Variants in GABRB3 observed in about 807,000 individuals in gnomAD.
GABRB3 encodes the protein gamma-aminobutyric acid type A receptor subunit beta3, also known as gamma-aminobutyric acid receptor subunit beta-3.
Under a neutral mutation model 52.1 loss-of-function variants are expected in GABRB3, and 14 were observed. The ratio of observed to expected loss-of-function variants is 0.27; its 90% CI spans 0.18 to 0.42. The LOEUF (loss-of-function observed/expected upper bound fraction) is 0.42, where lower values mean the gene tolerates loss of function less well. GABRB3 is among the 10% of genes least tolerant of loss of function. The pLI is 1.00. For missense variants in GABRB3, 307 were observed against 609.1 expected, an observed-to-expected ratio of 0.50 and a Z score of 5.22; for synonymous variants, 260 against 232.3, an observed-to-expected ratio of 1.12 and a Z score of -1.08.
chr15:26,582,246 T>C (rs1421857744), intron 5 of GABRB3, among the ~76,000 whole-genome samples: 1 of 152,212 alleles, frequency 6.6e-6, no homozygotes, highest in Non-Finnish European at 1.5e-5. Context: ...TCATGCACTG[T>C]GTGACTTGAC....
At chr15:26,576,368 A>G (rs900348887) in intron 6 of GABRB3, among the ~76,000 whole-genome samples, 2 of 152,244 alleles carry the variant, frequency 1.3e-5, no homozygotes, top group Non-Finnish European at 2.9e-5. Context: ...TGAAATTTTA[A>G]AAAAGGTTTC....
In GABRB3 at chr15:26,548,130, T is replaced by A; in HGVS notation, c.1085A>T (p.Asp362Val). The change falls in exon 9 of 9, where the codon GAT (aspartate) becomes GTT (valine). Residue 362 changes from aspartate to valine, a missense_variant. This residue lies in a region of GABRB3 where 115 missense variants were observed against 166.9 expected (regional missense o/e 0.69). Coordinates refer to ENST00000311550, the MANE Select transcript of GABRB3 (RefSeq NM_000814.6). Reference sequence around the variant, plus strand: ...TGTCAACAGAATATTTCCATGAGCATCCACCTAATTGGACGGAAAATGCAC... The same window carrying A: ...TGTCAACAGAATATTTCCATGAGCAACCACCTAATTGGACGGAAAATGCAC... The part of the protein sequence containing the change: ...DRSKSESNRV[D>V]AHGNILLTSL... 6.2e-7 allele frequency: 1 copy of A among 1,613,766 alleles called. No homozygotes were observed. Among genetic ancestry groups the A allele is most frequent in the Non-Finnish European group, 8.5e-7 (1 of 1,179,690 alleles).
In GABRB3 at chr15:26,689,555, C is replaced by T. The variant is rs536150538; in HGVS notation, c.241-68021G>A. On this transcript the variant is annotated intron_variant, in intron 3 of 8. Coordinates refer to ENST00000311550, the MANE Select transcript of GABRB3 (RefSeq NM_000814.6). ...TCATGCCTCATTACACGTCATGCCT[C>T]TTCTTGGGACCCATGTTCAAAAACT... Among the ~76,000 whole-genome samples the T allele has an allele frequency of 3.3e-4, 50 of 152,272 alleles. 2 individuals are homozygous for T. The South Asian group carries it at 1.0e-2, about 30-fold the overall frequency.
At chr15:26,769,571 C>A (rs553428963) in intron 3 of GABRB3, among the ~76,000 whole-genome samples, 151 of 152,290 alleles carry the variant, frequency 9.9e-4, no homozygotes, top group African/African-American at 3.5e-3. Flanking sequence ...GGAATCTCCC[C>A]TTCTAAATCT....
At chr15:26,620,929 AT>A (rs1020673612) in intron 4 of GABRB3, among the ~76,000 whole-genome samples, 2 of 151,364 alleles carry the variant, frequency 1.3e-5, no homozygotes, top group Non-Finnish European at 2.9e-5. Flanking sequence ...CGCAACAGAC[AT>A]TTTTTTTTCA....
At position 26,621,041 on chromosome 15, in the gene GABRB3, T is replaced by C. The variant is rs1351708120; in HGVS notation, c.461+273A>G. Among the ~76,000 whole-genome samples the C allele has an allele frequency of 6.6e-6, 1 of 151,736 alleles. No individual in the cohort carries two copies. The highest frequency in any genetic ancestry group is 1.5e-5 in the Non-Finnish European group (1 of 67,906). Reference sequence around the variant, plus strand: ...TGGCTATGATATGGAAAATCCATCCTGAGGGAATCTGTGTTCTTAGACATG... The same window carrying C: ...TGGCTATGATATGGAAAATCCATCCCGAGGGAATCTGTGTTCTTAGACATG... On this transcript the variant is annotated intron_variant, in intron 4 of 8. Transcript: ENST00000311550. The surrounding 1 kb of genome is among the most constrained non-coding windows in gnomAD (Gnocchi z 4.1).
At chr15:26,571,281 T>C (rs1045525062) in intron 6 of GABRB3, among the ~76,000 whole-genome samples, 1 of 152,106 alleles carries the variant, frequency 6.6e-6, no homozygotes. Flanking sequence ...AGCCCCCAAA[T>C]CTCAGTAGTT....
intron 4 of GABRB3, among the ~76,000 whole-genome samples, chr15:26,584,103 T>A (rs1647305348): frequency 6.6e-6 from 1 of 152,166 alleles, no homozygotes; most frequent in South Asian, 2.1e-4. Flanking sequence ...TCTTTTTGTG[T>A]GTGACGAAAA....
At chr15:26,681,315 T>G (rs1442493986) in intron 3 of GABRB3, among the ~76,000 whole-genome samples, 2 of 152,204 alleles carry the variant, frequency 1.3e-5, no homozygotes, top group Non-Finnish European at 2.9e-5. Flanking sequence ...AAATGCCTAT[T>G]ACTTTCCCTC....
intron 4 of GABRB3, among the ~76,000 whole-genome samples, chr15:26,586,289 G>A (rs962479302): frequency 5.9e-5 from 9 of 151,844 alleles, no homozygotes; most frequent in Admixed American, 2.6e-4. Flanking sequence ...GAGCCACCGC[G>A]CCTGGCTTAA....
At chr15:26,554,311 G>A (rs1244078613) in intron 8 of GABRB3, among the ~76,000 whole-genome samples, 1 of 148,300 alleles carries the variant, frequency 6.7e-6, no homozygotes, top group Non-Finnish European at 1.5e-5. Context: ...TTACAGGCTT[G>A]AGCCACCGCA....
chr15:26,651,029 G>T (rs911575325), intron 3 of GABRB3, among the ~76,000 whole-genome samples: 8 of 152,198 alleles, frequency 5.3e-5, no homozygotes, highest in Non-Finnish European at 1.0e-4. Flanking sequence ...TGCCAGACAA[G>T]GGCTAGGGAC....
At chr15:26,558,640 C>G (rs746955629) in intron 8 of GABRB3, among the ~76,000 whole-genome samples, 1 of 152,042 alleles carries the variant, frequency 6.6e-6, no homozygotes, top group African/African-American at 2.4e-5. Context: ...CAGTGGCTCA[C>G]GCCTGTAATC....
intron 3 of GABRB3, among the ~76,000 whole-genome samples, chr15:26,721,322 A>C (rs145601143): frequency 4.6e-4 from 70 of 152,264 alleles, no homozygotes; most frequent in African/African-American, 1.5e-3. Context: ...GCATCTAAGA[A>C]GGAAATCTCC....
chr15:26,760,263 T>G (rs1275953435), intron 3 of GABRB3, among the ~76,000 whole-genome samples: 1 of 152,160 alleles, frequency 6.6e-6, no homozygotes, highest in East Asian at 1.9e-4. Context: ...TCCTTATGTT[T>G]CAAACAGCTT....
chr15:26,714,111 G>A (rs1353021322), intron 3 of GABRB3, among the ~76,000 whole-genome samples: 1 of 152,216 alleles, frequency 6.6e-6, no homozygotes, highest in African/African-American at 2.4e-5. Context: ...CGAGGAAGGT[G>A]TGCAGAATAT....
intron 3 of GABRB3, among the ~76,000 whole-genome samples, chr15:26,650,870 G>A (rs141818122): frequency 3.2e-4 from 48 of 152,180 alleles, no homozygotes; most frequent in African/African-American, 6.3e-4. Context: ...GAGAAGAGGC[G>A]ATCAGGCTTC....
intron 3 of GABRB3, among the ~76,000 whole-genome samples, chr15:26,650,332 T>C (rs949224998): frequency 1.3e-5 from 2 of 152,022 alleles, no homozygotes; most frequent in Non-Finnish European, 2.9e-5. Flanking sequence ...CTTAGCCCCA[T>C]CTGAACAGTG....
intron 4 of GABRB3, among the ~76,000 whole-genome samples, chr15:26,606,808 A>ATAGATATATCGATAGATATATT (rs750566618): frequency 1.2e-5 from 1 of 84,774 alleles, no homozygotes; most frequent in Non-Finnish European, 2.4e-5. Flanking sequence ...ATATATCTAT[A>ATAGATATATCGATAGATATATT]GATAGATAGA....
Sources: gnomAD v4.1 joint callset for allele counts (sites outside exome capture counted in the v4.1 genomes callset) on GRCh38, gnomAD v4.1.1 for gene constraint, gnomAD v4.1.1 regional missense constraint, Gnocchi (gnomAD v3.1) non-coding constraint, MANE v1.5 for transcripts, NCBI Gene and HGNC (gene_info 2026-07-23, HGNC 2026-07-21) for gene names.